Variants in AUTS2 observed in about 807,000 individuals in gnomAD.
AUTS2 encodes the protein autism susceptibility gene 2 protein.
AUTS2 carries 17 observed loss-of-function variants against 112.4 expected under a neutral mutation model. The observed-to-expected ratio is 0.15, with a 90% CI of 0.10 to 0.23. The LOEUF (loss-of-function observed/expected upper bound fraction) is 0.23, where lower values mean the gene tolerates loss of function less well. Among genes scored for constraint, AUTS2 ranks in the 10% least tolerant of loss-of-function variants. The pLI is 1.00. For synonymous variants in AUTS2, 751 were observed against 702.7 expected (o/e 1.07, Z -1.09); for missense variants, 1,510 against 1,701.6 (o/e 0.89, Z 1.98).
At chr7:69,748,274 T>C (rs1369831643) in intron 1 of AUTS2, among the ~76,000 whole-genome samples, 2 of 152,172 alleles carry the variant, frequency 1.3e-5, no homozygotes, top group Non-Finnish European at 2.9e-5. Context: ...ATGAAGTATA[T>C]GGGAAACTGC....
intron 2 of AUTS2, among the ~76,000 whole-genome samples, chr7:70,050,241 C>T (rs1801686047): frequency 6.7e-6 from 1 of 149,504 alleles, no homozygotes; most frequent in Non-Finnish European, 1.5e-5. Flanking sequence ...CCTGTAGTCC[C>T]AGCTACTCAG....
chr7:70,116,040 A>T (rs553677524), intron 2 of AUTS2, among the ~76,000 whole-genome samples: 1 of 152,304 alleles, frequency 6.6e-6, no homozygotes, highest in Admixed American at 6.5e-5. Flanking sequence ...CTCCTTTATT[A>T]TCAATATAAA....
intron 4 of AUTS2, among the ~76,000 whole-genome samples, chr7:70,277,667 A>C (rs1375765228): frequency 2.0e-5 from 3 of 152,110 alleles, no homozygotes; most frequent in Non-Finnish European, 2.9e-5. Context: ...ATCTATCTTA[A>C]AGTAAGTATC....
chr7:70,186,223 C>T (rs1253999356), intron 4 of AUTS2, among the ~76,000 whole-genome samples: 2 of 152,038 alleles, frequency 1.3e-5, no homozygotes, highest in African/African-American at 4.8e-5. Context: ...TGTTTTAAAA[C>T]AAGAAAAACT....
intron 2 of AUTS2, among the ~76,000 whole-genome samples, chr7:69,913,975 C>T (rs921324903): frequency 6.6e-6 from 1 of 152,156 alleles, no homozygotes; most frequent in African/African-American, 2.4e-5. Context: ...TAGGCTTGAA[C>T]TGAAATGTCA....
chr7:70,652,355 T>TA (rs1249955001), intron 5 of AUTS2, among the ~76,000 whole-genome samples: 1 of 152,022 alleles, frequency 6.6e-6, no homozygotes, highest in Non-Finnish European at 1.5e-5. Flanking sequence ...TGCCATTTTT[T>TA]TTTTAGGGTT....
chr7:70,230,270 T>G (rs1811979245), intron 4 of AUTS2, among the ~76,000 whole-genome samples: 1 of 152,154 alleles, frequency 6.6e-6, no homozygotes. Flanking sequence ...TTTTGCTTGT[T>G]TTGGGTTTAT....
chr7:70,137,015 T>A (rs967549763), intron 4 of AUTS2, among the ~76,000 whole-genome samples: 7 of 152,218 alleles, frequency 4.6e-5, no homozygotes, highest in Admixed American at 1.3e-4. Context: ...TATATTTTAC[T>A]TTCAGTTCTT....
At chr7:70,255,178 ATTC>A (rs1473051554) in intron 4 of AUTS2, among the ~76,000 whole-genome samples, 1 of 142,648 alleles carries the variant, frequency 7.0e-6, no homozygotes, top group Non-Finnish European at 1.5e-5. Context: ...GGTTCAGGGG[ATTC>A]TCCTGCCTCA....
chr7:69,620,506 T>TCA (rs1172003578), intron 1 of AUTS2, among the ~76,000 whole-genome samples: 4 of 152,120 alleles, frequency 2.6e-5, no homozygotes, highest in African/African-American at 9.7e-5. Flanking sequence ...ATCTTAAAGC[T>TCA]TTTGGGTTAG....
chr7:70,546,412 C>T (rs1800782169), intron 5 of AUTS2, among the ~76,000 whole-genome samples: 1 of 151,740 alleles, frequency 6.6e-6, no homozygotes, highest in African/African-American at 2.4e-5. Context: ...CCACTGCACT[C>T]CAGCCTAGGC....
At chr7:70,591,382 G>GTGTT (rs1316220849) in intron 5 of AUTS2, among the ~76,000 whole-genome samples, 5 of 116,282 alleles carry the variant, frequency 4.3e-5, no homozygotes, top group African/African-American at 1.8e-4. Context: ...GGTTTACCCA[G>GTGTT]TCTTTGTTTG....
At chr7:69,854,256 G>T (rs1391951856) in intron 1 of AUTS2, among the ~76,000 whole-genome samples, 1 of 152,086 alleles carries the variant, frequency 6.6e-6, no homozygotes. Context: ...GTGTAGCTGA[G>T]GAAACAGAGG....
At chr7:70,751,840 C>T (rs1788880409) in intron 6 of AUTS2, among the ~76,000 whole-genome samples, 1 of 152,100 alleles carries the variant, frequency 6.6e-6, no homozygotes, top group Non-Finnish European at 1.5e-5. Flanking sequence ...CCTGCCTCAG[C>T]CTCCTGAGTA....
At chr7:70,052,323 C>A (rs1801792724) in intron 2 of AUTS2, among the ~76,000 whole-genome samples, 1 of 152,072 alleles carries the variant, frequency 6.6e-6, no homozygotes, top group Admixed American at 6.6e-5. Flanking sequence ...CTAACATTTC[C>A]TAGGTAATTG....
At chr7:70,520,355 G>T (rs1047918948) in intron 5 of AUTS2, among the ~76,000 whole-genome samples, 1 of 152,136 alleles carries the variant, frequency 6.6e-6, no homozygotes, top group Non-Finnish European at 1.5e-5. Context: ...CCTGTGCCTG[G>T]TCTCTCCTCA....
chr7:70,776,957 G>T, intron 13 of AUTS2, 146 bp from the exon 14 acceptor site: 2 of 727,762 alleles, frequency 2.7e-6, no homozygotes, highest in South Asian at 1.5e-5. Context: ...GAGAGCTACT[G>T]ATGGAAGGCA....
At chr7:70,698,736 T>C (rs1469920410) in intron 6 of AUTS2, 116 bp downstream of exon 6, 1 of 835,544 alleles carries the variant, frequency 1.2e-6, no homozygotes, top group Non-Finnish European at 1.8e-6. Flanking sequence ...GAAGCTACTG[T>C]TGATGTTTCA....
chr7:69,890,883 G>C (rs1026330862), intron 1 of AUTS2, among the ~76,000 whole-genome samples: 2 of 152,174 alleles, frequency 1.3e-5, no homozygotes, highest in Non-Finnish European at 2.9e-5. Flanking sequence ...TAAAAGATGA[G>C]TTTCTTTTAA....
Sources: gnomAD v4.1 joint callset for allele counts (sites outside exome capture counted in the v4.1 genomes callset) on GRCh38, gnomAD v4.1.1 for gene constraint, MANE v1.5 for transcripts, NCBI Gene and HGNC (gene_info 2026-07-23, HGNC 2026-07-21) for gene names.